Variants in JAKMIP3 observed in about 807,000 individuals in gnomAD.
The protein encoded by JAKMIP3 is Janus kinase and microtubule interacting protein 3.
In JAKMIP3, 58 loss-of-function variants were observed where a neutral mutation model predicts 118.5. That is an observed-to-expected ratio of 0.49 (90% confidence interval 0.40 to 0.61). The LOEUF (loss-of-function observed/expected upper bound fraction) is 0.61, where lower values mean the gene tolerates loss of function less well. JAKMIP3 is among the 20% of genes least tolerant of loss of function. The pLI is 0.00. For synonymous variants in JAKMIP3, 486 were observed against 451.2 expected (o/e 1.08, Z -0.98); for missense variants, 950 against 1,109.0 (o/e 0.86, Z 2.04).
chr10:132,112,496 C>T lies in JAKMIP3; in HGVS notation c.136-4581C>T, dbSNP rs2047021847. ...CGGGCTGTTAGGTTTTAAGAAGGGT[C>T]TCTTTTCCTGGTTCCTTATTTTGTT... On this transcript the variant is annotated intron_variant, in intron 2 of 23. Transcript: ENST00000684848. This position sits in a 1 kb window ranked among gnomAD's most constrained non-coding sequence, Gnocchi z 4.3. Among the ~76,000 whole-genome samples, 1 of 152,286 alleles carries T rather than the reference C, an allele frequency of 6.6e-6. No individual in the cohort carries two copies. The highest frequency in any genetic ancestry group is 1.9e-4 in the East Asian group (1 of 5,186).
At chr10:132,114,209 T>C (rs892059016) in intron 2 of JAKMIP3, among the ~76,000 whole-genome samples, 2 of 152,242 alleles carry the variant, frequency 1.3e-5, no homozygotes, top group African/African-American at 2.4e-5. Flanking sequence ...CTGTGCAGCA[T>C]GGCACAAGTT....
chr10:132,153,739 C>A lies in JAKMIP3; in HGVS notation c.2074-20C>A. 1 of 1,612,660 alleles carries A rather than the reference C, an allele frequency of 6.2e-7. No homozygotes were observed. Among genetic ancestry groups the A allele is most frequent in the Non-Finnish European group, 8.5e-7 (1 of 1,179,474 alleles). Reference sequence around the variant, plus strand: ...GGGGACCCTAGGGGTCACTGTCCTGCTTGTTCTGTTTGTGTCCAGTGGCTC... The same window carrying A: ...GGGGACCCTAGGGGTCACTGTCCTGATTGTTCTGTTTGTGTCCAGTGGCTC... On this transcript the variant is annotated intron_variant, in intron 17 of 23. Transcript: ENST00000684848.
chr10:132,161,114 T>C (rs2058195750), intron 19 of JAKMIP3, among the ~76,000 whole-genome samples: 2 of 59,012 alleles, frequency 3.4e-5, no homozygotes, highest in Non-Finnish European at 3.2e-5. Flanking sequence ...GGGGGTCTAT[T>C]CCTGTGTCTT....
Position 132,092,730 on chromosome 10 carries a change from G to A in JAKMIP3, c.-137-11942G>A, listed in dbSNP as rs192885963. ...GGGTTTGAACTTCCTCATTTAGCTC[G>A]GAGAAGTTTGATCATCGGAAGCCTA... On this transcript the variant is annotated intron_variant, in intron 1 of 23. Coordinates refer to ENST00000684848, the MANE Select transcript of JAKMIP3 (RefSeq NM_001323087.2). Among the ~76,000 whole-genome samples, 224 of 152,166 alleles carry A rather than the reference G, an allele frequency of 1.5e-3. 1 individual carries two copies. The Middle Eastern group carries it at 0.024, about 16-fold the overall frequency.
At chr10:132,054,244 CA>C (rs1460778174) in intron 1 of JAKMIP3, among the ~76,000 whole-genome samples, 3 of 151,904 alleles carry the variant, frequency 2.0e-5, no homozygotes, top group Non-Finnish European at 2.9e-5. Context: ...GAGGAGCTGG[CA>C]GGCTCAGGGA....
chr10:132,056,192 C>G (rs1254160253), intron 1 of JAKMIP3, among the ~76,000 whole-genome samples: 3 of 152,150 alleles, frequency 2.0e-5, no homozygotes, highest in Non-Finnish European at 4.4e-5. Flanking sequence ...CTTCTGTCAC[C>G]CCCACACTCA....
chr10:132,153,421 G>A (rs1002298250), intron 17 of JAKMIP3, among the ~76,000 whole-genome samples: 6 of 152,174 alleles, frequency 3.9e-5, no homozygotes, highest in African/African-American at 1.2e-4. Context: ...AGGAGAAGGG[G>A]TGCTCCTGGC....
chr10:132,153,649 G>A (rs2056622298), intron 17 of JAKMIP3, 110 bp from the exon 18 acceptor site: 14 of 1,044,904 alleles, frequency 1.3e-5, no homozygotes, highest in Admixed American at 5.1e-5. Context: ...CCTCCCTAAG[G>A]AGAAGAGGAA....
chr10:132,097,908 C>CG (rs71010001), intron 1 of JAKMIP3, among the ~76,000 whole-genome samples: 994 of 64,058 alleles, frequency 0.016, 182 homozygotes, highest in East Asian at 0.029. Context: ...TCCCCTTCCC[C>CG]TTCCCCTTCC....
chr10:132,104,043 C>T (rs1207041375), intron 1 of JAKMIP3, among the ~76,000 whole-genome samples: 4 of 152,204 alleles, frequency 2.6e-5, no homozygotes, highest in African/African-American at 4.8e-5. Context: ...CCTGTCATAG[C>T]GTGTGTCCGA....
At chr10:132,130,892 G>C (rs927152809) in intron 3 of JAKMIP3, among the ~76,000 whole-genome samples, 10 of 152,062 alleles carry the variant, frequency 6.6e-5, no homozygotes, top group South Asian at 4.2e-4. Flanking sequence ...GCTCATCTTG[G>C]GGGGCTCAGG....
chr10:132,131,938 A>G (rs2050718598), intron 3 of JAKMIP3, among the ~76,000 whole-genome samples: 2 of 152,162 alleles, frequency 1.3e-5, no homozygotes, highest in Non-Finnish European at 2.9e-5. Context: ...TGCTGCTGGA[A>G]ACAGCCCACC....
chr10:132,180,779 G>GCA (rs2061296808), intron 23 of JAKMIP3, among the ~76,000 whole-genome samples: 3 of 85,030 alleles, frequency 3.5e-5, no homozygotes, highest in Admixed American at 1.1e-4. Context: ...GCGTGTGTGT[G>GCA]TGTGCGCGTA....
Position 132,140,452 on chromosome 10 carries a change from C to A in JAKMIP3, c.1346C>A (p.Pro449Gln). Residue 449 changes from proline (P) to glutamine (Q), a missense_variant and splice_region_variant, in exon 10 of 24, where the codon CCG becomes CAG. Physicochemically the swap from Pro to Gln is moderately conservative, Grantham distance 76 (BLOSUM62 -1). Coordinates refer to ENST00000684848, the MANE Select transcript of JAKMIP3 (RefSeq NM_001323087.2). Reference protein sequence around the residue: ...QRKKMAKLPKPVVVETFFGYD... With the variant: ...QRKKMAKLPKQVVVETFFGYD... ...GACACGTCGCATTTTGGTCACAAGCCGGTGGTTGTGGAGACCTTCTTTGGA... is the reference window on the plus strand; with the variant it reads ...GACACGTCGCATTTTGGTCACAAGCAGGTGGTTGTGGAGACCTTCTTTGGA... 1.2e-6 allele frequency: 2 copies of A among 1,613,698 alleles called. No homozygotes were observed.
chr10:132,072,943 C>T (rs925600477), intron 1 of JAKMIP3, among the ~76,000 whole-genome samples: 2 of 152,134 alleles, frequency 1.3e-5, no homozygotes, highest in Admixed American at 6.5e-5. Context: ...AGTATCTGTT[C>T]CACTCTGTCT....
intron 1 of JAKMIP3, among the ~76,000 whole-genome samples, chr10:132,101,341 G>A (rs2044871703): frequency 6.6e-6 from 1 of 152,136 alleles, no homozygotes; most frequent in Admixed American, 6.5e-5. Flanking sequence ...ACAGAGCAAG[G>A]ACCGACCCCC....
upstream of JAKMIP3, among the ~76,000 whole-genome samples, chr10:132,063,783 CA>C (rs971544773): frequency 1.4e-4 from 21 of 151,974 alleles, no homozygotes; most frequent in African/African-American, 4.3e-4. Context: ...TCCAATTCTA[CA>C]AAAAAAATAC....
chr10:132,101,408 G>A (rs1398874038), intron 1 of JAKMIP3, among the ~76,000 whole-genome samples: 1 of 152,112 alleles, frequency 6.6e-6, no homozygotes, highest in East Asian at 1.9e-4. Context: ...ACGAACAGTG[G>A]GTTAATTAGA....
chr10:132,098,888 C>T (rs181360911), intron 1 of JAKMIP3, among the ~76,000 whole-genome samples: 1 of 152,362 alleles, frequency 6.6e-6, no homozygotes, highest in Admixed American at 6.5e-5. Context: ...ACAGGCCATA[C>T]TCAGTAAGCC....
Sources: gnomAD v4.1 joint callset for allele counts (sites outside exome capture counted in the v4.1 genomes callset) on GRCh38, gnomAD v4.1.1 for gene constraint, Gnocchi (gnomAD v3.1) non-coding constraint, MANE v1.5 for transcripts, NCBI Gene and HGNC (gene_info 2026-07-23, HGNC 2026-07-21) for gene names.